The following EPRS1 variants were observed in gnomAD, a reference collection of about 807,000 sequenced individuals.
EPRS1 encodes bifunctional glutamate/proline--tRNA ligase.
Under a neutral mutation model 188.3 loss-of-function variants are expected in EPRS1, and 107 were observed. That is an observed-to-expected ratio of 0.57 (90% CI 0.49 to 0.67). The LOEUF is 0.67. Ranked by LOEUF, EPRS1 falls within the 30% of genes least tolerant of loss-of-function variation. The pLI is 0.00. For synonymous variants in EPRS1, 596 were observed against 593.1 expected, an observed-to-expected ratio of 1.00 and a Z score of -0.07; for missense variants, 1,577 against 1,802.2, an observed-to-expected ratio of 0.88 and a Z score of 2.26.
chr1:220,032,306 T>C, intron 5 of EPRS1, 81 bp downstream of exon 5: 1 of 1,109,752 alleles, frequency 9.0e-7, no homozygotes, highest in Non-Finnish European at 1.3e-6. Context: ...CAGGATGGTC[T>C]CAATCTCCTG....
At chr1:219,978,964 ATTT>A (rs143483062) in intron 27 of EPRS1, among the ~76,000 whole-genome samples, 210 of 126,016 alleles carry the variant, frequency 1.7e-3, no homozygotes, top group African/African-American at 5.4e-3. Context: ...ATATATATAT[ATTT>A]TTTTTTCCCC....
intron 18 of EPRS1, among the ~76,000 whole-genome samples, chr1:219,994,077 G>A (rs1661176725): frequency 6.6e-6 from 1 of 152,092 alleles, no homozygotes; most frequent in Non-Finnish European, 1.5e-5. Flanking sequence ...GAATAACATT[G>A]TTTTGTTTGA....
chr1:220,004,633 T>C (rs973816784), intron 16 of EPRS1, among the ~76,000 whole-genome samples: 12 of 152,182 alleles, frequency 7.9e-5, no homozygotes, highest in Non-Finnish European at 1.8e-4. Flanking sequence ...TTTGAACACG[T>C]TGAGTTTGAA....
intron 4 of EPRS1, among the ~76,000 whole-genome samples, chr1:220,032,989 T>C (rs6692978): frequency 0.036 from 5,536 of 152,214 alleles, 303 homozygotes; most frequent in African/African-American, 0.12. Context: ...AGAAAGTTGT[T>C]TTTGAAAAAA....
intron 12 of EPRS1, among the ~76,000 whole-genome samples, chr1:220,014,030 T>C (rs774109597): frequency 6.6e-6 from 1 of 152,062 alleles, no homozygotes; most frequent in South Asian, 2.1e-4. Context: ...AGGATTAATA[T>C]AATAAAAGAA....
chr1:220,029,347 C>A (rs1394828188), intron 6 of EPRS1, among the ~76,000 whole-genome samples: 4 of 152,206 alleles, frequency 2.6e-5, no homozygotes, highest in Admixed American at 1.3e-4. Context: ...TCATCTCCTT[C>A]TATCTACCCT....
chr1:220,012,309 C>T (rs1386773175), intron 12 of EPRS1, among the ~76,000 whole-genome samples: 4 of 152,060 alleles, frequency 2.6e-5, no homozygotes, highest in East Asian at 1.9e-4. Flanking sequence ...AGATTTAATT[C>T]GTGACTGACT....
chr1:220,046,413 G>A lies in EPRS1; in HGVS notation c.-25C>T, dbSNP rs2102604368. The stretch of plus-strand genomic sequence containing the variant: ...TCTCCACCAGTCCGCTGGTCCACCT[G>A]TCAGTACGCCTGGCTCGTGCCAGAA... On this transcript the variant is annotated 5_prime_UTR_variant, in exon 1 of 32. Coordinates refer to ENST00000366923, the MANE Select transcript of EPRS1 (RefSeq NM_004446.3). 7 of 1,613,752 alleles carry A rather than the reference G, an allele frequency of 4.3e-6. No individual in the cohort carries two copies. Among genetic ancestry groups the A allele is most frequent in the Non-Finnish European group, 5.9e-6 (7 of 1,179,950 alleles).
chr1:219,984,310 G>T, intron 20 of EPRS1, 53 bp from the exon 21 acceptor site: 1 of 1,291,800 alleles, frequency 7.7e-7, no homozygotes, highest in Non-Finnish European at 1.1e-6. Context: ...ACTGCTTTAG[G>T]TTGAATAAAA....
rs1372738199 is a variant in EPRS1, at chr1:220,020,186, A to G, written c.1151T>C (p.Val384Ala). ...YPTYDFACPIVDSIEGVTHAL... is the reference protein window; with the variant it reads ...YPTYDFACPIADSIEGVTHAL... ...ATGTGTAACACCTTCGATGCTGTCA[A>G]CTATGGGGCAGGCAAAATCATATGT... The change falls in exon 10 of 32, where the codon GTT becomes GCT. Residue 384 changes from valine (V) to alanine (A), a missense_variant. Around this residue, in one of 3 missense-constraint regions of EPRS1, gnomAD observed 1,278 missense variants for 1,457.4 expected, o/e 0.88. Transcript: ENST00000366923. 40 of 1,613,782 alleles carry G rather than the reference A, an allele frequency of 2.5e-5. No individual in the cohort carries two copies. Among genetic ancestry groups the G allele is most frequent in the Non-Finnish European group, 3.4e-5 (40 of 1,179,882 alleles).
chr1:219,978,120 G>C (rs777040689), intron 28 of EPRS1, among the ~76,000 whole-genome samples: 1 of 152,178 alleles, frequency 6.6e-6, no homozygotes, highest in Non-Finnish European at 1.5e-5. Context: ...ACAATGTGGT[G>C]TGAAAACTCA....
In EPRS1 at chr1:220,028,584, G is replaced by A. The variant is rs78610969; in HGVS notation, c.623+1802C>T. ...ACAATTTTTAATTATATGGATTCTAGAGCCAGATGGTAGAGGTTTGAGCTT... is the reference window on the plus strand; with the variant it reads ...ACAATTTTTAATTATATGGATTCTAAAGCCAGATGGTAGAGGTTTGAGCTT... On this transcript the variant is annotated intron_variant, in intron 6 of 31. Transcript: ENST00000366923. Among the ~76,000 whole-genome samples the A allele has an allele frequency of 6.8e-4, 104 of 152,228 alleles. 3 individuals are homozygous for A. In the East Asian group the frequency reaches 0.018, roughly 27 times the overall value.
At chr1:220,030,823 G>A (rs1662070198) in intron 5 of EPRS1, among the ~76,000 whole-genome samples, 2 of 152,272 alleles carry the variant, frequency 1.3e-5, no homozygotes, top group Middle Eastern at 3.4e-3. Flanking sequence ...TAGGCACGGT[G>A]GTTCATGCCT....
In EPRS1 at chr1:219,981,366, G is replaced by T. The variant is rs1660895366; in HGVS notation, c.3453+12C>A. The T allele has an allele frequency of 6.4e-7, 1 of 1,564,136 alleles. No homozygotes were observed. The highest frequency in any genetic ancestry group is 8.7e-7 in the Non-Finnish European group (1 of 1,145,138). On this transcript the variant is annotated intron_variant, in intron 24 of 31. Transcript: ENST00000366923. ...GAATAATAATAGAATACAAGAGGGG[G>T]TGAATACCTACCACCACATTGCACC...
intron 20 of EPRS1, among the ~76,000 whole-genome samples, chr1:219,986,641 A>C (rs1661010974): frequency 6.6e-6 from 1 of 152,176 alleles, no homozygotes; most frequent in Admixed American, 6.5e-5. Flanking sequence ...TTATATTTAA[A>C]CTATCAATTT....
intron 12 of EPRS1, among the ~76,000 whole-genome samples, chr1:220,017,336 A>G (rs1661741047): frequency 6.6e-6 from 1 of 152,262 alleles, no homozygotes; most frequent in South Asian, 2.1e-4. Flanking sequence ...CAGACCCTAC[A>G]GAACTATTTG....
chr1:219,981,425 A>T lies in EPRS1; in HGVS notation c.3406T>A (p.Ser1136Thr). ...MYPAYAKWVQ[S>T]HRDLPIKLNQ... ...AGCTTGATGGGCAGGTCTCTGTGTG[A>T]CTGTACCCATTTTGCATATGCAGGA... Residue 1136 changes from serine (S) to threonine (T), a missense_variant, in exon 24 of 32, where the codon TCA (serine) becomes ACA (threonine). Ser to Thr is a moderately conservative substitution (Grantham distance 58). Around this residue, in one of 3 missense-constraint regions of EPRS1, gnomAD observed 1,278 missense variants for 1,457.4 expected, o/e 0.88. Coordinates refer to ENST00000366923, the MANE Select transcript of EPRS1 (RefSeq NM_004446.3). 1 of 1,608,816 alleles carries T rather than the reference A, an allele frequency of 6.2e-7. No individual in the cohort carries two copies. Among genetic ancestry groups the T allele is most frequent in the Non-Finnish European group, 8.5e-7 (1 of 1,176,844 alleles).
chr1:220,042,175 C>T (rs1272121877), intron 1 of EPRS1, among the ~76,000 whole-genome samples: 2 of 141,786 alleles, frequency 1.4e-5, no homozygotes, highest in African/African-American at 2.7e-5. Flanking sequence ...AGCAAGACTC[C>T]GTCCCCAAAA....
At chr1:219,974,941 G>A (rs1396149034) in intron 28 of EPRS1, among the ~76,000 whole-genome samples, 1 of 152,182 alleles carries the variant, frequency 6.6e-6, no homozygotes, top group Non-Finnish European at 1.5e-5. Context: ...TCAGCTGGAA[G>A]AGAGAAGAAA....
Sources: allele counts gnomAD v4.1 joint callset (sites outside exome capture counted in the v4.1 genomes callset), GRCh38; gene constraint gnomAD v4.1.1; regional missense constraint gnomAD v4.1.1; transcripts MANE v1.5; gene names NCBI Gene and HGNC (gene_info 2026-07-23, HGNC 2026-07-21).